AFG1L: variants seen among roughly 807,000 people sequenced by gnomAD.
AFG1L encodes the protein AFG1-like ATPase.
AFG1L carries 53 observed loss-of-function variants against 62.2 expected under a neutral mutation model. The ratio of observed to expected loss-of-function variants is 0.85; its 90% CI spans 0.68 to 1.07. The LOEUF (loss-of-function observed/expected upper bound fraction) is 1.07, where lower values mean the gene tolerates loss of function less well. Among genes scored for constraint, AFG1L ranks in the 50% least tolerant of loss-of-function variants. The pLI is 0.00. For missense variants in AFG1L, 555 were observed against 590.5 expected (o/e 0.94, Z 0.62); for synonymous variants, 228 against 210.3 (o/e 1.08, Z -0.73).
In AFG1L at chr6:108,377,750, T is replaced by A. The variant is rs186784113; in HGVS notation, c.748+11418T>A. ...GGTGATGTTCATTTTGTATATAGTA[T>A]CTTGCAGGTGTTCTCTGGATTTCTT... is the stretch of plus-strand genomic sequence containing the variant. On this transcript the variant is annotated intron_variant, in intron 6 of 12. Transcript: ENST00000368977. Among the ~76,000 whole-genome samples, 195 of 152,160 alleles carry A rather than the reference T, an allele frequency of 1.3e-3. 6 individuals are homozygous for A. Among genetic ancestry groups the A allele is most frequent in the Admixed American group, 0.011 (165 of 15,296 alleles).
intron 11 of AFG1L, among the ~76,000 whole-genome samples, chr6:108,513,407 T>C (rs965110342): frequency 6.6e-6 from 1 of 152,186 alleles, no homozygotes; most frequent in Non-Finnish European, 1.5e-5. Context: ...ATCGGATCAC[T>C]CCCACCCTAA....
chr6:108,370,516 A>G (rs1779955894), intron 6 of AFG1L, among the ~76,000 whole-genome samples: 1 of 152,132 alleles, frequency 6.6e-6, no homozygotes, highest in African/African-American at 2.4e-5. Context: ...GGTAAAGGCC[A>G]GGAATATAGC....
Position 108,360,364 on chromosome 6 carries a change from A to C in AFG1L, c.648+3544A>C, listed in dbSNP as rs954326915. ...TTTCTTGCAGGGCTCTGAAGAAAAC[A>C]TGCACAGAGATGACAAAACAAGACA... On this transcript the variant is annotated intron_variant, in intron 5 of 12. Transcript: ENST00000368977. 9.2e-5 allele frequency among the ~76,000 whole-genome samples: 14 copies of C among 152,326 alleles called. No individual in the cohort carries two copies. The East Asian group carries it at 1.9e-3, about 21-fold the overall frequency.
At chr6:108,326,183 C>T (rs542355332) in intron 2 of AFG1L, among the ~76,000 whole-genome samples, 5 of 152,238 alleles carry the variant, frequency 3.3e-5, no homozygotes, top group African/African-American at 1.2e-4. Context: ...TGATTCTCCT[C>T]CCGCAGCCCC....
At chr6:108,499,288 C>T (rs551021324) in intron 10 of AFG1L, among the ~76,000 whole-genome samples, 1 of 151,760 alleles carries the variant, frequency 6.6e-6, no homozygotes, top group Admixed American at 6.6e-5. Context: ...AGGCTGGTCT[C>T]AAACTCCTGA....
rs59323063 is a variant in AFG1L, at chr6:108,445,633, TGAGAGAGAGAGAGAGAGA to T, written c.808-1550_808-1533del. Among the ~76,000 whole-genome samples the T allele has an allele frequency of 2.6e-3, 341 of 130,010 alleles. 2 individuals are homozygous for T. The highest frequency in any genetic ancestry group is 0.014 in the South Asian group (56 of 3,958). 85.3% of individuals were successfully genotyped at this position (130,010 alleles called of 152,430 possible). A position where few individuals can be genotyped will look rare whatever the true frequency, so the allele number is the denominator to read the frequency against. On this transcript the variant is annotated intron_variant, in intron 7 of 12. Transcript: ENST00000368977. ...TCTCAGAGCATAGGGACACCTAAGG[TGAGAGAGAGAGAGAGAGA>T]GAGAGAGAGAGAGAGAGAGAGAGAG...
chr6:108,299,200 G>T (rs1469066619), intron 1 of AFG1L, among the ~76,000 whole-genome samples: 1 of 151,888 alleles, frequency 6.6e-6, no homozygotes, highest in Admixed American at 6.6e-5. Context: ...GGCGGAGGTT[G>T]CAGTGAGCCA....
intron 6 of AFG1L, among the ~76,000 whole-genome samples, chr6:108,383,369 C>T (rs1231585863): frequency 6.6e-6 from 1 of 152,088 alleles, no homozygotes; most frequent in Non-Finnish European, 1.5e-5. Context: ...AAAACATAGA[C>T]TCTGCAATAC....
At chr6:108,480,027 G>C (rs1242097823) in intron 10 of AFG1L, among the ~76,000 whole-genome samples, 1 of 152,132 alleles carries the variant, frequency 6.6e-6, no homozygotes, top group Non-Finnish European at 1.5e-5. Flanking sequence ...GGAAGCCCTT[G>C]ACATATGCCA....
At chr6:108,394,123 C>T (rs1781186723) in intron 6 of AFG1L, among the ~76,000 whole-genome samples, 1 of 135,646 alleles carries the variant, frequency 7.4e-6, no homozygotes, top group Non-Finnish European at 1.6e-5. Flanking sequence ...CCCCTCCCCT[C>T]CCTTCCCTTC....
At chr6:108,416,526 A>G (rs941265627) in intron 7 of AFG1L, among the ~76,000 whole-genome samples, 6 of 152,226 alleles carry the variant, frequency 3.9e-5, no homozygotes, top group Admixed American at 3.3e-4. Context: ...AACCAACCCA[A>G]ATGTCCATCA....
chr6:108,388,293 C>G (rs993426371), intron 6 of AFG1L, among the ~76,000 whole-genome samples: 3 of 152,080 alleles, frequency 2.0e-5, no homozygotes, highest in East Asian at 3.9e-4. Context: ...CTTGCTAGCG[C>G]TCTATCAATT....
At chr6:108,474,504 A>G (rs1773034018) in intron 8 of AFG1L, among the ~76,000 whole-genome samples, 1 of 152,146 alleles carries the variant, frequency 6.6e-6, no homozygotes, top group African/African-American at 2.4e-5. Flanking sequence ...CCCACCAACA[A>G]TGTAAAAGCA....
rs1777022372 is a variant in AFG1L, at chr6:108,302,067, C to T, written c.139+6849C>T. Among the ~76,000 whole-genome samples, 3 of 152,202 alleles carry T rather than the reference C, an allele frequency of 2.0e-5. No homozygotes were observed. The South Asian group carries it at 6.2e-4, about 32-fold the overall frequency. ...GTTCAAGTGACTCTCCTGCCTCAGC[C>T]TCCTGAGTAGCTGGGATTTCAGGTG... On this transcript the variant is annotated intron_variant, in intron 1 of 12. Coordinates refer to ENST00000368977, the MANE Select transcript of AFG1L (RefSeq NM_145315.5).
intron 10 of AFG1L, among the ~76,000 whole-genome samples, chr6:108,483,618 G>A (rs964187248): frequency 3.9e-5 from 6 of 152,106 alleles, no homozygotes; most frequent in African/African-American, 7.2e-5. Context: ...TGATAACTGC[G>A]CTCAAAAGTA....
chr6:108,505,579 C>A (rs1774380983), intron 10 of AFG1L, among the ~76,000 whole-genome samples: 1 of 151,950 alleles, frequency 6.6e-6, no homozygotes, highest in Non-Finnish European at 1.5e-5. Flanking sequence ...ATTCAAAGAA[C>A]TTTTTTTAAA....
chr6:108,428,232 G>A (rs1770910913), intron 7 of AFG1L, among the ~76,000 whole-genome samples: 1 of 152,024 alleles, frequency 6.6e-6, no homozygotes, highest in South Asian at 2.1e-4. Context: ...TACTTCACTT[G>A]GAATAATGGC....
intron 1 of AFG1L, chr6:108,319,718 C>T (rs763801121): frequency 1.8e-5 from 7 of 390,820 alleles, no homozygotes; most frequent in Admixed American, 5.6e-5. Context: ...AAGGGATCCT[C>T]CTGCCTCAGC....
intron 6 of AFG1L, among the ~76,000 whole-genome samples, chr6:108,375,460 A>G (rs1780202793): frequency 6.6e-6 from 1 of 151,992 alleles, no homozygotes; most frequent in Non-Finnish European, 1.5e-5. Flanking sequence ...GGCTGTGTTT[A>G]TGTCATAGAT....
Sources: gnomAD v4.1 joint callset for allele counts (sites outside exome capture counted in the v4.1 genomes callset) on GRCh38, gnomAD v4.1.1 for gene constraint, MANE v1.5 for transcripts, NCBI Gene and HGNC (gene_info 2026-07-23, HGNC 2026-07-21) for gene names.